Variants in WWC1 observed in about 807,000 individuals in gnomAD.
The protein encoded by WWC1 is WW and C2 domain containing 1.
Under a neutral mutation model 138.4 loss-of-function variants are expected in WWC1, and 55 were observed. That is an observed-to-expected ratio of 0.40 (90% CI 0.32 to 0.50). The LOEUF (loss-of-function observed/expected upper bound fraction) is 0.50, where lower values mean the gene tolerates loss of function less well. WWC1 is among the 20% of genes least tolerant of loss of function. The probability of loss-of-function intolerance (pLI) is 0.72; values close to 1 mark genes in which losing one functional copy is unlikely to be tolerated. For missense variants in WWC1, 1,226 were observed against 1,420.4 expected, an observed-to-expected ratio of 0.86 and a Z score of 2.20; for synonymous variants, 524 against 564.9, an observed-to-expected ratio of 0.93 and a Z score of 1.03.
intron 1 of WWC1, among the ~76,000 whole-genome samples, chr5:168,307,124 C>T (rs766599491): frequency 2.6e-5 from 4 of 152,188 alleles, no homozygotes; most frequent in South Asian, 2.1e-4. Context: ...TTGAATGCAT[C>T]GCCCAGTTTA....
At chr5:168,422,761 G>A (rs141248052) in intron 10 of WWC1, among the ~76,000 whole-genome samples, 2 of 152,296 alleles carry the variant, frequency 1.3e-5, no homozygotes, top group East Asian at 3.9e-4. Context: ...TTTTCTAATG[G>A]TGGTCTTCTC....
chr5:168,338,992 A>G (rs1047239192), intron 1 of WWC1, among the ~76,000 whole-genome samples: 4 of 152,240 alleles, frequency 2.6e-5, no homozygotes, highest in African/African-American at 4.8e-5. Context: ...ACACAAATAA[A>G]TGAGAAATGT....
At chr5:168,367,952 A>AACACACACAC (rs5873108) in intron 1 of WWC1, among the ~76,000 whole-genome samples, 2 of 151,180 alleles carry the variant, frequency 1.3e-5, no homozygotes, top group Non-Finnish European at 3.0e-5. Flanking sequence ...TTTCTTTACT[A>AACACACACAC]ACACACACAC....
At chr5:168,449,369 C>T (rs907150315) in intron 17 of WWC1, among the ~76,000 whole-genome samples, 5 of 152,256 alleles carry the variant, frequency 3.3e-5, no homozygotes, top group African/African-American at 1.2e-4. Flanking sequence ...CCACAACTAG[C>T]CTGCCACATT....
At chr5:168,311,284 C>G (rs531660503) in intron 1 of WWC1, among the ~76,000 whole-genome samples, 3 of 150,686 alleles carry the variant, frequency 2.0e-5, no homozygotes, top group East Asian at 3.9e-4. Context: ...CCTTTCTGGT[C>G]GAAGGCTACA....
At chr5:168,365,615 A>G (rs1776230066) in intron 1 of WWC1, among the ~76,000 whole-genome samples, 3 of 152,102 alleles carry the variant, frequency 2.0e-5, no homozygotes, top group Non-Finnish European at 1.5e-5. Flanking sequence ...CCAGTTACCC[A>G]CTGGTGGTTG....
At position 168,441,806 on chromosome 5, in the gene WWC1, T is replaced by C. The variant is rs2152871374; in HGVS notation, c.2405T>C (p.Met802Thr). 6.2e-7 allele frequency: 1 copy of C among 1,614,046 alleles called. No individual in the cohort carries two copies. Among genetic ancestry groups the C allele is most frequent in the African/African-American group, 1.3e-5 (1 of 75,054 alleles). Residue 802 changes from methionine (M) to threonine (T), a missense_variant, in exon 16 of 23, where the codon ATG becomes ACG. Physicochemically the swap from Met to Thr is moderately conservative, Grantham distance 81 (BLOSUM62 -1). Transcript: ENST00000265293. ...AGGGAGCTCAAGCCAGTGGGAGTCA[T>C]GGCCCCTGCCTCAGGGCCTGCCAGC... ...QSRELKPVGV[M>T]APASGPASTD...
chr5:168,439,640 A>C (rs1388461286), intron 15 of WWC1, among the ~76,000 whole-genome samples: 2 of 152,038 alleles, frequency 1.3e-5, no homozygotes, highest in Non-Finnish European at 2.9e-5. Flanking sequence ...CAAAAAAAAA[A>C]AAAAAAATCT....
chr5:168,293,663 G>C (rs769583428), intron 1 of WWC1, among the ~76,000 whole-genome samples: 3 of 152,158 alleles, frequency 2.0e-5, no homozygotes, highest in Non-Finnish European at 4.4e-5. Context: ...TTCCCTGTTT[G>C]TCAGATGGGG....
At chr5:168,398,991 A>G (rs531906630) in intron 4 of WWC1, among the ~76,000 whole-genome samples, 53 of 152,240 alleles carry the variant, frequency 3.5e-4, no homozygotes, top group Non-Finnish European at 6.8e-4. Flanking sequence ...AAACCAGCAG[A>G]CCGAGTCTAG....
intron 1 of WWC1, among the ~76,000 whole-genome samples, chr5:168,312,753 G>A (rs572229688): frequency 6.6e-6 from 1 of 151,430 alleles, no homozygotes; most frequent in East Asian, 1.9e-4. Flanking sequence ...CAGGGGTCAT[G>A]TGGTGCCAAC....
chr5:168,359,156 A>T (rs1775693476), intron 1 of WWC1, among the ~76,000 whole-genome samples: 1 of 151,804 alleles, frequency 6.6e-6, no homozygotes, highest in Admixed American at 6.6e-5. Flanking sequence ...CCTCAGCTCC[A>T]AGGATCCTCT....
At position 168,292,343 on chromosome 5, in the gene WWC1, G is replaced by A. The variant is rs1197029116; in HGVS notation, c.119+72G>A. On this transcript the variant is annotated intron_variant, in intron 1 of 22. Transcript: ENST00000265293. This position sits in a 1 kb window ranked among gnomAD's most constrained non-coding sequence, Gnocchi z 4.4. ...CCCCCACCTGCCCCTGGAGCCGCCG[G>A]CCGGGACTGGGAGGGGGCAGGGGAG... 1.3e-6 allele frequency: 2 copies of A among 1,517,636 alleles called. No individual in the cohort carries two copies. Among genetic ancestry groups the A allele is most frequent in the Admixed American group, 2.1e-5 (1 of 47,940 alleles). The allele number at this position is 1,517,636 out of a possible 1,614,324, so 94.0% of individuals were successfully genotyped here. A position where few individuals can be genotyped will look rare whatever the true frequency, so the allele number is the denominator to read the frequency against.
intron 1 of WWC1, among the ~76,000 whole-genome samples, chr5:168,339,023 A>G (rs1452179198): frequency 6.6e-6 from 1 of 152,228 alleles, no homozygotes; most frequent in South Asian, 2.1e-4. Context: ...GGGTATGCTA[A>G]TTACCCTGAT....
intron 9 of WWC1, chr5:168,415,173 C>G (rs919248245): frequency 6.4e-6 from 1 of 156,152 alleles, no homozygotes; most frequent in Non-Finnish European, 1.4e-5. Context: ...AGAGACCCAC[C>G]TGGCAGTGGT....
chr5:168,420,712 C>T (rs576353686), intron 9 of WWC1, among the ~76,000 whole-genome samples: 68 of 152,166 alleles, frequency 4.5e-4, no homozygotes, highest in African/African-American at 6.0e-4. Context: ...CTTGGCTGCC[C>T]GTAGCAGTAA....
intron 1 of WWC1, among the ~76,000 whole-genome samples, chr5:168,355,508 A>AC (rs1334762313): frequency 6.6e-6 from 1 of 151,632 alleles, no homozygotes; most frequent in Non-Finnish European, 1.5e-5. Flanking sequence ...AAAAAAAAAA[A>AC]AAAAAAAAAA....
At chr5:168,332,568 CTG>C (rs1369974214) in intron 1 of WWC1, among the ~76,000 whole-genome samples, 1 of 152,092 alleles carries the variant, frequency 6.6e-6, no homozygotes, top group Non-Finnish European at 1.5e-5. Flanking sequence ...GCTGATATGT[CTG>C]TGAAAACATT....
At chr5:168,307,824 C>A (rs1226803607) in intron 1 of WWC1, among the ~76,000 whole-genome samples, 1 of 151,952 alleles carries the variant, frequency 6.6e-6, no homozygotes, top group Non-Finnish European at 1.5e-5. Context: ...GTTAGCCAGG[C>A]TGGTCTCGAT....
Sources: allele counts gnomAD v4.1 joint callset (sites outside exome capture counted in the v4.1 genomes callset), GRCh38; gene constraint gnomAD v4.1.1; non-coding constraint Gnocchi (gnomAD v3.1); transcripts MANE v1.5; gene names NCBI Gene and HGNC (gene_info 2026-07-23, HGNC 2026-07-21).